Variants in TTC13 observed in about 807,000 individuals in gnomAD.
TTC13 encodes tetratricopeptide repeat domain 13, also known as tetratricopeptide repeat protein 13.
TTC13 carries 62 observed loss-of-function variants against 120.0 expected under a neutral mutation model. That is an observed-to-expected ratio of 0.52 (90% CI 0.42 to 0.64). The LOEUF (loss-of-function observed/expected upper bound fraction) is 0.64. TTC13 is among the 30% of genes least tolerant of loss of function. TTC13 has a pLI of 0.00. For synonymous variants in TTC13, 384 were observed against 393.5 expected, an observed-to-expected ratio of 0.98 and a Z score of 0.28; for missense variants, 824 against 1,050.2, an observed-to-expected ratio of 0.78 and a Z score of 2.98.
intron 2 of TTC13, among the ~76,000 whole-genome samples, chr1:230,960,357 T>C (rs1676506305): frequency 6.6e-6 from 1 of 152,174 alleles, no homozygotes; most frequent in South Asian, 2.1e-4. Context: ...CTATACAAGA[T>C]GGGATTATCC....
intron 5 of TTC13, among the ~76,000 whole-genome samples, chr1:230,945,131 T>C (rs1233872223): frequency 6.6e-6 from 1 of 152,212 alleles, no homozygotes. Context: ...ACTTGGACCA[T>C]TGAATATCTC....
chr1:230,967,507 T>C (rs894050233), intron 1 of TTC13, among the ~76,000 whole-genome samples: 1 of 152,226 alleles, frequency 6.6e-6, no homozygotes, highest in African/African-American at 2.4e-5. Flanking sequence ...TCCTTTGGCC[T>C]ATTAACAAAC....
Position 230,961,202 on chromosome 1 carries a change from T to G in TTC13, c.366+7A>C, listed in dbSNP as rs758638125. On this transcript the variant is annotated splice_region_variant and intron_variant, in intron 2 of 22. Transcript: ENST00000366661. ...ACAAAAACAGAACACAGAGAGAAGA[T>G]GCATACCAGAATCTTCTCAGTGTTG... is the stretch of plus-strand genomic sequence containing the variant. The G allele has an allele frequency of 5.2e-5, 84 of 1,609,268 alleles. No individual in the cohort carries two copies. Among genetic ancestry groups the G allele is most frequent in the Non-Finnish European group, 6.6e-5 (78 of 1,176,110 alleles).
At chr1:230,954,447 G>A in intron 3 of TTC13, 44 bp from the exon 4 acceptor site, 1 of 1,425,510 alleles carries the variant, frequency 7.0e-7, no homozygotes, top group Non-Finnish European at 9.8e-7. Flanking sequence ...GAATAAAGTA[G>A]TTCTAACTAG....
At chr1:230,916,873 G>A (rs1194269315) in intron 17 of TTC13, among the ~76,000 whole-genome samples, 2 of 152,168 alleles carry the variant, frequency 1.3e-5, no homozygotes, top group South Asian at 2.1e-4. Flanking sequence ...AGTGATAAAT[G>A]TATGAACACA....
rs1670968252 is a variant in TTC13, at chr1:230,906,744, T to C, written c.*161A>G. On this transcript the variant is annotated 3_prime_UTR_variant, in exon 23 of 23. Coordinates refer to ENST00000366661, the MANE Select transcript of TTC13 (RefSeq NM_024525.5). ...AAAGCCTCTTTCATGATTTTCATTA[T>C]GGTTCAGAAAAGTAAAGAAAATGAT... is the stretch of plus-strand genomic sequence containing the variant. 2 of 373,034 alleles carry C rather than the reference T, an allele frequency of 5.4e-6. No individual in the cohort carries two copies. Among genetic ancestry groups the C allele is most frequent in the Admixed American group, 4.6e-5 (1 of 21,778 alleles). The allele number at this position is 373,034 out of a possible 1,614,324, so 23.1% of individuals were successfully genotyped here.
At position 230,924,884 on chromosome 1, in the gene TTC13, T is replaced by A; in HGVS notation, c.1678A>T (p.Met560Leu). The A allele has an allele frequency of 1.2e-6, 2 of 1,614,244 alleles. No homozygotes were observed. The highest frequency in any genetic ancestry group is 1.7e-6 in the Non-Finnish European group (2 of 1,180,048). The change falls in exon 14 of 23, where the codon ATG (methionine) becomes TTG (leucine). Residue 560 changes from methionine to leucine, a missense_variant. Met to Leu is a conservative substitution (Grantham distance 15, BLOSUM62 2). Around this residue, in one of 4 missense-constraint regions of TTC13, gnomAD observed 430 missense variants for 626.8 expected, o/e 0.69. Coordinates refer to ENST00000366661, the MANE Select transcript of TTC13 (RefSeq NM_024525.5). ...ATGTCAAACATGTCTCTCCACTGCATCAACCGTGTCTTCCCATTCATTCGA... is the reference window on the plus strand; with the variant it reads ...ATGTCAAACATGTCTCTCCACTGCAACAACCGTGTCTTCCCATTCATTCGA... ...KVRMNGKTRL[M>L]QWRDMFDIAV...
At position 230,910,909 on chromosome 1, in the gene TTC13, A is replaced by C. The variant is rs147412000; in HGVS notation, c.2309+561T>G. Among the ~76,000 whole-genome samples the C allele has an allele frequency of 3.9e-5, 6 of 152,358 alleles. No individual in the cohort carries two copies. The East Asian group carries it at 1.2e-3, about 29-fold the overall frequency. On this transcript the variant is annotated intron_variant, in intron 20 of 22. Transcript: ENST00000366661. Reference sequence around the variant, plus strand: ...TTCAACTATGTGCCAGTAATGGCAAAAGGCCATTTACATAATTTACTGCAC... The same window carrying C: ...TTCAACTATGTGCCAGTAATGGCAACAGGCCATTTACATAATTTACTGCAC...
intron 4 of TTC13, among the ~76,000 whole-genome samples, chr1:230,947,583 T>C (rs1675118533): frequency 6.6e-6 from 1 of 151,976 alleles, no homozygotes; most frequent in African/African-American, 2.4e-5. Flanking sequence ...AATATCATAA[T>C]GTTTTAAGAA....
intron 1 of TTC13, 87 bp from the exon 2 acceptor site, chr1:230,961,390 C>A: frequency 1.0e-6 from 1 of 975,128 alleles, no homozygotes; most frequent in Non-Finnish European, 1.6e-6. Context: ...TTAGACTCCA[C>A]AGAACCAAAA....
intron 8 of TTC13, chr1:230,936,543 T>C (rs1674070944): frequency 9.1e-6 from 2 of 219,888 alleles, no homozygotes; most frequent in South Asian, 1.3e-4. Context: ...CCTTACAACA[T>C]AGATAAAACA....
chr1:230,953,114 T>C (rs1046420920), intron 4 of TTC13, among the ~76,000 whole-genome samples: 3 of 152,176 alleles, frequency 2.0e-5, no homozygotes, highest in Non-Finnish European at 4.4e-5. Context: ...TTTTATAACA[T>C]TGCCAATACT....
intron 2 of TTC13, among the ~76,000 whole-genome samples, chr1:230,958,523 G>T (rs1441272923): frequency 6.6e-6 from 1 of 152,196 alleles, no homozygotes; most frequent in African/African-American, 2.4e-5. Context: ...TTGCTATGCA[G>T]CTGGGAGCTT....
chr1:230,938,072 A>G (rs1252821879), intron 8 of TTC13, among the ~76,000 whole-genome samples: 4 of 152,232 alleles, frequency 2.6e-5, no homozygotes, highest in African/African-American at 9.6e-5. Flanking sequence ...CAACCCAAAT[A>G]TATGTATGTC....
chr1:230,916,819 C>T (rs1425978267), intron 17 of TTC13, among the ~76,000 whole-genome samples: 11 of 152,146 alleles, frequency 7.2e-5, no homozygotes, highest in African/African-American at 1.9e-4. Flanking sequence ...ACAGATAAGT[C>T]GGTTAAGTTA....
rs757751462 is a variant in TTC13 at position 230,906,970 on chromosome 1, T to C, written c.2518A>G (p.Thr840Ala). ...TLPSVSETFP[T>A]LRSMIEVLNT... Reference sequence around the variant, plus strand: ...AGCACCTCAATCATCGATCTTAACGTTGGAAACGTTTCTGATACTGATGGA... The same window carrying C: ...AGCACCTCAATCATCGATCTTAACGCTGGAAACGTTTCTGATACTGATGGA... The change falls in exon 23 of 23, where the codon ACG becomes GCG. Residue 840 changes from threonine to alanine, a missense_variant. Around this residue, in one of 4 missense-constraint regions of TTC13, gnomAD observed 226 missense variants for 259.1 expected, o/e 0.87. Coordinates refer to ENST00000366661, the MANE Select transcript of TTC13 (RefSeq NM_024525.5). 5 of 1,543,364 alleles carry C rather than the reference T, an allele frequency of 3.2e-6. No individual in the cohort carries two copies. The East Asian group carries it at 1.0e-4, about 31-fold the overall frequency.
intron 3 of TTC13, among the ~76,000 whole-genome samples, chr1:230,957,862 C>G (rs970487157): frequency 6.6e-6 from 1 of 150,500 alleles, no homozygotes; most frequent in Admixed American, 6.6e-5. Flanking sequence ...ATAACTTAAA[C>G]ATAGCTATTT....
chr1:230,959,154 C>T (rs1017320759), intron 2 of TTC13, among the ~76,000 whole-genome samples: 3 of 152,042 alleles, frequency 2.0e-5, no homozygotes, highest in Non-Finnish European at 4.4e-5. Context: ...TGCTTAGAGG[C>T]AAGAAAAAGA....
At chr1:230,923,795 G>T (rs757069778) in intron 15 of TTC13, 46 bp downstream of exon 15, 2 of 1,537,158 alleles carry the variant, frequency 1.3e-6, no homozygotes, top group African/African-American at 1.4e-5. Context: ...TGTGTCTTGA[G>T]AATAAACTCC....
Sources: gnomAD v4.1 joint callset for allele counts (sites outside exome capture counted in the v4.1 genomes callset) on GRCh38, gnomAD v4.1.1 for gene constraint, gnomAD v4.1.1 regional missense constraint, MANE v1.5 for transcripts, NCBI Gene and HGNC (gene_info 2026-07-23, HGNC 2026-07-21) for gene names.